The following BECN2 variants were observed in gnomAD, a reference collection of about 807,000 sequenced individuals.
BECN2 encodes beclin 2, also known as beclin-2.
For missense variants in BECN2, 428 were observed against 507.9 expected, an observed-to-expected ratio of 0.84 and a Z score of 1.51; for synonymous variants, 173 against 220.1, an observed-to-expected ratio of 0.79 and a Z score of 1.90.
Position 241,958,453 on chromosome 1 carries a change from G to A in BECN2, c.687G>A (p.Leu229=). 8.1e-7 allele frequency: 1 copy of A among 1,231,862 alleles called. No homozygotes were observed. The highest frequency in any genetic ancestry group is 1.5e-5 in the African/African-American group (1 of 64,542). 76.3% of individuals were successfully genotyped at this position (1,231,862 alleles called of 1,614,324 possible). ...KRQQLELLDQ[L]GNVENQLQYA... is the part of the protein sequence containing the mutation. ...AGCAGCTGGAACTGCTTGATCAGCT[G>A]GGGAACGTGGAGAACCAGCTGCAGT... is the stretch of plus-strand genomic sequence containing the variant. The change falls in exon 1 of 1, where the codon CTG becomes CTA. Residue 229 remains leucine, a synonymous_variant. Transcript: ENST00000419583.
chr1:241,958,093 C>A lies in BECN2; in HGVS notation c.327C>A (p.Gly109=). Residue 109 remains glycine (G), a synonymous_variant, in exon 1 of 1, where the codon GGC becomes GGA. Coordinates refer to ENST00000419583, the MANE Select transcript of BECN2 (RefSeq NM_001290693.1). The part of the protein sequence containing the change: ...AAGDIFDIVS[G]QAVVDHPLCE... ...GTGACATTTTTGACATAGTCTCTGGCCAAGCAGTTGTGGACCATCCCCTGT... is the reference window on the plus strand; with the variant it reads ...GTGACATTTTTGACATAGTCTCTGGACAAGCAGTTGTGGACCATCCCCTGT... 2 of 1,231,988 alleles carry A rather than the reference C, an allele frequency of 1.6e-6. No individual in the cohort carries two copies. The highest frequency in any genetic ancestry group is 2.0e-6 in the Non-Finnish European group (2 of 988,142). 76.3% of individuals were successfully genotyped at this position (1,231,988 alleles called of 1,614,324 possible). A position where few individuals can be genotyped will look rare whatever the true frequency, so the allele number is the denominator to read the frequency against.
At chr1:241,959,026 G>A in the BECN2 span, 7,836 of 1,231,786 alleles carry the variant, frequency 6.4e-3, 35 homozygotes, top group Non-Finnish European at 7.4e-3. Context: ...ATTTCAAGTG[G>A]AGTCTCATCT....
chr1:241,958,630 C>T lies in BECN2; in HGVS notation c.864C>T (p.Ala288=), dbSNP rs1664468662. 1 of 1,231,678 alleles carries T rather than the reference C, an allele frequency of 8.1e-7. No individual in the cohort carries two copies. The allele number at this position is 1,231,678 out of a possible 1,614,324, so 76.3% of individuals were successfully genotyped here. A position where few individuals can be genotyped will look rare whatever the true frequency, so the allele number is the denominator to read the frequency against. ...TGGGCTGGAATGAGATTAACACTGC[C>T]TGGGGACAGGCGGCCTTGCTGCTCC... ...VRVGWNEINT[A]WGQAALLLLT... The change falls in exon 1 of 1, where the codon GCC becomes GCT. Residue 288 remains alanine, a synonymous_variant. Transcript: ENST00000419583.
rs1031478610 is a variant in BECN2, at chr1:241,958,107, A to G, written c.341A>G (p.Asp114Gly). 8.1e-7 allele frequency: 1 copy of G among 1,231,892 alleles called. No homozygotes were observed. The highest frequency in any genetic ancestry group is 1.6e-5 in the African/African-American group (1 of 64,438). The allele number at this position is 1,231,892 out of a possible 1,614,324, so 76.3% of individuals were successfully genotyped here. ...ATAGTCTCTGGCCAAGCAGTTGTGG[A>G]CCATCCCCTGTGTGAAGAATGCACC... ...FDIVSGQAVV[D>G]HPLCEECTDS... The change falls in exon 1 of 1, where the codon GAC becomes GGC. Residue 114 changes from aspartate to glycine, a missense_variant. Transcript: ENST00000419583.
Position 241,958,495 on chromosome 1 carries a change from G to T in BECN2, c.729G>T (p.Arg243Ser). 1 of 1,231,760 alleles carries T rather than the reference G, an allele frequency of 8.1e-7. No individual in the cohort carries two copies. Among genetic ancestry groups the T allele is most frequent in the Non-Finnish European group, 1.0e-6 (1 of 988,000 alleles). 76.3% of individuals were successfully genotyped at this position (1,231,760 alleles called of 1,614,324 possible). ...AGCTGCAGTATGCCAGGGTCCAGAG[G>T]GACCGGCTGAAGGAAATCAACTGTT... Reference protein sequence around the residue: ...ENQLQYARVQRDRLKEINCFT... With the variant: ...ENQLQYARVQSDRLKEINCFT... Residue 243 changes from arginine to serine, a missense_variant, in exon 1 of 1, where the codon AGG becomes AGT. Transcript: ENST00000419583.
chr1:241,958,109 C>T lies in BECN2; in HGVS notation c.343C>T (p.His115Tyr), dbSNP rs1269991851. The T allele has an allele frequency of 3.2e-6, 4 of 1,231,908 alleles. No homozygotes were observed. Among genetic ancestry groups the T allele is most frequent in the Non-Finnish European group, 4.0e-6 (4 of 988,162 alleles). The allele number at this position is 1,231,908 out of a possible 1,614,324, so 76.3% of individuals were successfully genotyped here. Residue 115 changes from histidine (H) to tyrosine (Y), a missense_variant, in exon 1 of 1, where the codon CAT (histidine) becomes TAT (tyrosine). By Grantham distance (83) the His-to-Tyr change is moderately conservative. Transcript: ENST00000419583. ...AGTCTCTGGCCAAGCAGTTGTGGAC[C>T]ATCCCCTGTGTGAAGAATGCACCGA... is the stretch of plus-strand genomic sequence containing the variant. ...DIVSGQAVVD[H>Y]PLCEECTDSL...
In BECN2 at chr1:241,957,982, T is replaced by G; in HGVS notation, c.216T>G (p.Ser72Arg). The G allele has an allele frequency of 1.6e-6, 2 of 1,231,830 alleles. No individual in the cohort carries two copies. The highest frequency in any genetic ancestry group is 8.2e-5 in the South Asian group (2 of 24,318). 76.3% of individuals were successfully genotyped at this position (1,231,830 alleles called of 1,614,324 possible). A position where few individuals can be genotyped will look rare whatever the true frequency, so the allele number is the denominator to read the frequency against. ...GCAGATCCCCTCCAGGCGATGGCAG[T>G]GTGTCCAAGGGCCATGCCAACATCT... is the stretch of plus-strand genomic sequence containing the variant. ...ASSRSPPGDG[S>R]VSKGHANIFT... Residue 72 changes from serine (S) to arginine (R), a missense_variant, in exon 1 of 1, where the codon AGT becomes AGG. Transcript: ENST00000419583.
In BECN2 at chr1:241,958,344, A is replaced by G. The variant is rs1002895011; in HGVS notation, c.578A>G (p.Asp193Gly). ...AGGAACAATGCAAGAGCAGCGGCGGATCTCCAGGCAGCCCAGGCAGAGGCT... is the reference window on the plus strand; with the variant it reads ...AGGAACAATGCAAGAGCAGCGGCGGGTCTCCAGGCAGCCCAGGCAGAGGCT... ...VDRNNARAAA[D>G]LQAAQAEAAE... The change falls in exon 1 of 1, where the codon GAT becomes GGT. Residue 193 changes from aspartate to glycine, a missense_variant. Coordinates refer to ENST00000419583, the MANE Select transcript of BECN2 (RefSeq NM_001290693.1). 127 of 1,232,994 alleles carry G rather than the reference A, an allele frequency of 1.0e-4. No individual in the cohort carries two copies. The highest frequency in any genetic ancestry group is 3.0e-4 in the Admixed American group (7 of 23,702). The allele number at this position is 1,232,994 out of a possible 1,614,324, so 76.4% of individuals were successfully genotyped here.
At position 241,958,924 on chromosome 1, in the gene BECN2, G is replaced by A; in HGVS notation, c.1158G>A (p.Glu386=). The A allele has an allele frequency of 8.1e-7, 1 of 1,231,882 alleles. No homozygotes were observed. Among genetic ancestry groups the A allele is most frequent in the Non-Finnish European group, 1.0e-6 (1 of 988,102 alleles). 76.3% of individuals were successfully genotyped at this position (1,231,882 alleles called of 1,614,324 possible). ...TCCAGGTGGAGACAGGCCTGATGGA[G>A]GACGTTGGCGGCCGAGGGGAATGCT... is the stretch of plus-strand genomic sequence containing the variant. The part of the protein sequence containing the change: ...YGIQVETGLM[E]DVGGRGECYS... The change falls in exon 1 of 1, where the codon GAG becomes GAA. Residue 386 remains glutamate (E), a synonymous_variant. Coordinates refer to ENST00000419583, the MANE Select transcript of BECN2 (RefSeq NM_001290693.1).
Position 241,957,867 on chromosome 1 carries a change from C to T in BECN2, c.101C>T (p.Ser34Phe). 1 of 1,231,836 alleles carries T rather than the reference C, an allele frequency of 8.1e-7. No individual in the cohort carries two copies. Among genetic ancestry groups the T allele is most frequent in the Non-Finnish European group, 1.0e-6 (1 of 988,046 alleles). 76.3% of individuals were successfully genotyped at this position (1,231,836 alleles called of 1,614,324 possible). ...CTCCCTGCAGCCCCGGCGCCCACCTCTGGGCAGGCTGAGCCCGGAGACACC... is the reference window on the plus strand; with the variant it reads ...CTCCCTGCAGCCCCGGCGCCCACCTTTGGGCAGGCTGAGCCCGGAGACACC... The part of the protein sequence containing the change: ...RSLPAAPAPT[S>F]GQAEPGDTRE... The change falls in exon 1 of 1, where the codon TCT becomes TTT. Residue 34 changes from serine to phenylalanine, a missense_variant. By Grantham distance (155) the Ser-to-Phe change is radical (BLOSUM62 -2). Coordinates refer to ENST00000419583, the MANE Select transcript of BECN2 (RefSeq NM_001290693.1).
Position 241,957,891 on chromosome 1 carries a change from C to G in BECN2, c.125C>G (p.Thr42Ser). The change falls in exon 1 of 1, where the codon ACC becomes AGC. Residue 42 changes from threonine (T) to serine (S), a missense_variant. Physicochemically the swap from Thr to Ser is moderately conservative, Grantham distance 58 (BLOSUM62 1). Transcript: ENST00000419583. ...PTSGQAEPGD[T>S]REPGVTTREV... ...TCTGGGCAGGCTGAGCCCGGAGACACCCGGGAGCCCGGCGTCACCACCAGG... is the reference window on the plus strand; with the variant it reads ...TCTGGGCAGGCTGAGCCCGGAGACAGCCGGGAGCCCGGCGTCACCACCAGG... 2.4e-6 allele frequency: 3 copies of G among 1,231,806 alleles called. No individual in the cohort carries two copies. Among genetic ancestry groups the G allele is most frequent in the Non-Finnish European group, 2.0e-6 (2 of 988,034 alleles). 76.3% of individuals were successfully genotyped at this position (1,231,806 alleles called of 1,614,324 possible).
chr1:241,958,421 A>G lies in BECN2; in HGVS notation c.655A>G (p.Lys219Glu). 8.1e-7 allele frequency: 1 copy of G among 1,231,906 alleles called. No individual in the cohort carries two copies. The highest frequency in any genetic ancestry group is 1.0e-6 in the Non-Finnish European group (1 of 988,100). 76.3% of individuals were successfully genotyped at this position (1,231,906 alleles called of 1,614,324 possible). Residue 219 changes from lysine to glutamate, a missense_variant, in exon 1 of 1, where the codon AAG becomes GAG. By Grantham distance (56) the Lys-to-Glu change is moderately conservative. Transcript: ENST00000419583. Reference protein sequence around the residue: ...RQHYRDYSALKRQQLELLDQL... With the variant: ...RQHYRDYSALERQQLELLDQL... ...GCACTACAGGGACTACAGTGCCTTG[A>G]AGCGGCAGCAGCTGGAACTGCTTGA...
Position 241,958,893 on chromosome 1 carries a change from A to G in BECN2, c.1127A>G (p.Tyr376Cys), listed in dbSNP as rs769743968. The change falls in exon 1 of 1, where the codon TAC (tyrosine) becomes TGC (cysteine). Residue 376 changes from tyrosine to cysteine, a missense_variant. Coordinates refer to ENST00000419583, the MANE Select transcript of BECN2 (RefSeq NM_001290693.1). ...EKGELGLSLP[Y>C]GIQVETGLME... ...GGTGAGCTGGGCCTCTCTCTGCCCT[A>G]CGGGATCCAGGTGGAGACAGGCCTG... 234 of 1,231,732 alleles carry G rather than the reference A, an allele frequency of 1.9e-4. No individual in the cohort carries two copies. The highest frequency in any genetic ancestry group is 2.2e-4 in the Non-Finnish European group (217 of 988,108). 76.3% of individuals were successfully genotyped at this position (1,231,732 alleles called of 1,614,324 possible).
rs1452772508 is a variant in BECN2, at chr1:241,958,780, G to C, written c.1014G>C (p.Gly338=). 4.1e-6 allele frequency: 5 copies of C among 1,231,662 alleles called. No homozygotes were observed. Among genetic ancestry groups the C allele is most frequent in the African/African-American group, 1.6e-5 (1 of 64,414 alleles). The allele number at this position is 1,231,662 out of a possible 1,614,324, so 76.3% of individuals were successfully genotyped here. A position where few individuals can be genotyped will look rare whatever the true frequency, so the allele number is the denominator to read the frequency against. ...RTELPLFCYG[G]QDVFLNNKYD... ...AGCTGCCGTTGTTCTGTTATGGGGG[G>C]CAGGATGTTTTCCTCAATAACAAGT... Residue 338 remains glycine (G), a synonymous_variant, in exon 1 of 1, where the codon GGG becomes GGC. Coordinates refer to ENST00000419583, the MANE Select transcript of BECN2 (RefSeq NM_001290693.1).
In BECN2 at chr1:241,958,286, G is replaced by A; in HGVS notation, c.520G>A (p.Ala174Thr). Residue 174 changes from alanine to threonine, a missense_variant, in exon 1 of 1, where the codon GCC becomes ACC. Ala to Thr is a moderately conservative substitution (Grantham distance 58). Transcript: ENST00000419583. The part of the protein sequence containing the change: ...AELRDLELEE[A>T]RLVQELEDVD... ...GCTGCGGGACCTGGAGCTGGAGGAG[G>A]CCAGGCTGGTGCAGGAGCTGGAGGA... The A allele has an allele frequency of 1.6e-6, 2 of 1,234,006 alleles. No individual in the cohort carries two copies. The highest frequency in any genetic ancestry group is 2.0e-6 in the Non-Finnish European group (2 of 989,724). 76.4% of individuals were successfully genotyped at this position (1,234,006 alleles called of 1,614,324 possible). A position where few individuals can be genotyped will look rare whatever the true frequency, so the allele number is the denominator to read the frequency against.
At position 241,957,951 on chromosome 1, in the gene BECN2, C is replaced by T; in HGVS notation, c.185C>T (p.Ala62Val). The part of the protein sequence containing the change: ...VTDAEEQQDG[A>V]SSRSPPGDGS... ...GACGCTGAGGAGCAACAGGACGGTG[C>T]CTCTAGCAGATCCCCTCCAGGCGAT... The change falls in exon 1 of 1, where the codon GCC (alanine) becomes GTC (valine). Residue 62 changes from alanine to valine, a missense_variant. Ala to Val is a moderately conservative substitution (Grantham distance 64, BLOSUM62 0). Transcript: ENST00000419583. 1 of 1,231,878 alleles carries T rather than the reference C, an allele frequency of 8.1e-7. No homozygotes were observed. The allele number at this position is 1,231,878 out of a possible 1,614,324, so 76.3% of individuals were successfully genotyped here. A position where few individuals can be genotyped will look rare whatever the true frequency, so the allele number is the denominator to read the frequency against.
Position 241,958,839 on chromosome 1 carries a change from T to C in BECN2, c.1073T>C (p.Met358Thr). 1.6e-6 allele frequency: 2 copies of C among 1,231,854 alleles called. No homozygotes were observed. The highest frequency in any genetic ancestry group is 3.2e-5 in the East Asian group (1 of 31,704). The allele number at this position is 1,231,854 out of a possible 1,614,324, so 76.3% of individuals were successfully genotyped here. The change falls in exon 1 of 1, where the codon ATG (methionine) becomes ACG (threonine). Residue 358 changes from methionine (M) to threonine (T), a missense_variant. By Grantham distance (81) the Met-to-Thr change is moderately conservative (BLOSUM62 -1). Coordinates refer to ENST00000419583, the MANE Select transcript of BECN2 (RefSeq NM_001290693.1). ...DRAMVAFLDC[M>T]QQFKEEAEKG... ...GCGATGGTGGCCTTCCTGGACTGCA[T>C]GCAGCAGTTCAAGGAAGAGGCTGAG...
Position 241,958,534 on chromosome 1 carries a change from T to C in BECN2, c.768T>C (p.Phe256=). The C allele has an allele frequency of 1.6e-6, 2 of 1,231,050 alleles. No individual in the cohort carries two copies. The highest frequency in any genetic ancestry group is 2.0e-6 in the Non-Finnish European group (2 of 987,404). The allele number at this position is 1,231,050 out of a possible 1,614,324, so 76.3% of individuals were successfully genotyped here. A position where few individuals can be genotyped will look rare whatever the true frequency, so the allele number is the denominator to read the frequency against. ...AAATCAACTGTTTCACCGCCACGTT[T>C]GAGATCTGGGTGGAGGGCCCCTTGG... ...LKEINCFTAT[F]EIWVEGPLGV... Residue 256 remains phenylalanine, a synonymous_variant, in exon 1 of 1, where the codon TTT becomes TTC. Coordinates refer to ENST00000419583, the MANE Select transcript of BECN2 (RefSeq NM_001290693.1).
At position 241,958,200 on chromosome 1, in the gene BECN2, G is replaced by A. The variant is rs1219653554; in HGVS notation, c.434G>A (p.Arg145His). 2.4e-6 allele frequency: 3 copies of A among 1,232,378 alleles called. No homozygotes were observed. Among genetic ancestry groups the A allele is most frequent in the Non-Finnish European group, 3.0e-6 (3 of 988,452 alleles). The allele number at this position is 1,232,378 out of a possible 1,614,324, so 76.3% of individuals were successfully genotyped here. A position where few individuals can be genotyped will look rare whatever the true frequency, so the allele number is the denominator to read the frequency against. Residue 145 changes from arginine (R) to histidine (H), a missense_variant, in exon 1 of 1, where the codon CGC (arginine) becomes CAC (histidine). By Grantham distance (29) the Arg-to-His change is conservative. Transcript: ENST00000419583. Reference protein sequence around the residue: ...LTEADSQNYQRCLETGELATS... With the variant: ...LTEADSQNYQHCLETGELATS... ...GAAGCTGACAGTCAGAACTACCAAC[G>A]CTGCCTGGAGACCGGGGAGCTGGCG...
Sources: allele counts gnomAD v4.1 joint callset, GRCh38; gene constraint gnomAD v4.1.1; transcripts MANE v1.5; gene names NCBI Gene and HGNC (gene_info 2026-07-23, HGNC 2026-07-21).